The following TAFA1 variants were observed in gnomAD, a reference collection of about 807,000 sequenced individuals.
TAFA1 encodes TAFA chemokine like family member 1, also known as chemokine-like protein TAFA-1.
In TAFA1, 4 loss-of-function variants were observed where a neutral mutation model predicts 18.5. The ratio of observed to expected loss-of-function variants is 0.22; its 90% CI spans 0.11 to 0.49. The LOEUF (loss-of-function observed/expected upper bound fraction) is 0.49, where lower values mean the gene tolerates loss of function less well. Ranked by LOEUF, TAFA1 falls within the 20% of genes least tolerant of loss-of-function variation. TAFA1 has a pLI of 0.98. For synonymous variants in TAFA1, 56 were observed against 55.2 expected (o/e 1.01, Z -0.06); for missense variants, 147 against 169.0 (o/e 0.87, Z 0.72).
chr3:68,189,482 A>G (rs965589256), intron 2 of TAFA1, among the ~76,000 whole-genome samples: 5 of 151,738 alleles, frequency 3.3e-5, no homozygotes, highest in African/African-American at 1.2e-4. Context: ...GCACATATCA[A>G]ATATGCCTGC....
chr3:68,257,323 C>A (rs1050309309), intron 2 of TAFA1, among the ~76,000 whole-genome samples: 3 of 152,088 alleles, frequency 2.0e-5, no homozygotes, highest in African/African-American at 2.4e-5. Flanking sequence ...GCATACTGAC[C>A]TTTTCCTTTG....
At chr3:68,211,417 T>C (rs2066595128) in intron 2 of TAFA1, among the ~76,000 whole-genome samples, 1 of 152,102 alleles carries the variant, frequency 6.6e-6, no homozygotes, top group African/African-American at 2.4e-5. Flanking sequence ...TTCATTTTCA[T>C]AATGATTCCG....
At chr3:68,369,959 AT>A (rs2069647042) in intron 2 of TAFA1, among the ~76,000 whole-genome samples, 1 of 151,992 alleles carries the variant, frequency 6.6e-6, no homozygotes, top group Admixed American at 6.6e-5. Context: ...CGAAATGTAT[AT>A]TTGTTTTAAA....
At chr3:68,118,100 T>A (rs190873468) in intron 2 of TAFA1, among the ~76,000 whole-genome samples, 1 of 152,304 alleles carries the variant, frequency 6.6e-6, no homozygotes, top group East Asian at 1.9e-4. Context: ...ACTTTATATT[T>A]CTATTATTAT....
At chr3:68,031,843 T>C (rs1341381241) in intron 2 of TAFA1, among the ~76,000 whole-genome samples, 1 of 152,190 alleles carries the variant, frequency 6.6e-6, no homozygotes, top group Non-Finnish European at 1.5e-5. Flanking sequence ...CATTTTCTGT[T>C]CAAATCTAGA....
At chr3:68,382,024 C>G (rs537090792) in intron 2 of TAFA1, among the ~76,000 whole-genome samples, 1 of 152,284 alleles carries the variant, frequency 6.6e-6, no homozygotes, top group East Asian at 1.9e-4. Context: ...CTTTCTATCT[C>G]TATTGAGATA....
intron 2 of TAFA1, among the ~76,000 whole-genome samples, chr3:68,370,952 A>C (rs1195025557): frequency 2.0e-5 from 3 of 151,880 alleles, no homozygotes; most frequent in Non-Finnish European, 4.4e-5. Flanking sequence ...TCTACATTTA[A>C]CTGTTTTTGA....
chr3:68,160,439 T>C (rs958580861), intron 2 of TAFA1, among the ~76,000 whole-genome samples: 10 of 152,234 alleles, frequency 6.6e-5, no homozygotes, highest in Admixed American at 2.6e-4. Context: ...CCAACTCTTA[T>C]AGTAGAGCAT....
At chr3:68,083,294 T>C (rs897843359) in intron 2 of TAFA1, among the ~76,000 whole-genome samples, 5 of 152,242 alleles carry the variant, frequency 3.3e-5, no homozygotes, top group African/African-American at 1.2e-4. Flanking sequence ...TTCTAAGTAG[T>C]TAAATATTTT....
intron 2 of TAFA1, among the ~76,000 whole-genome samples, chr3:68,148,552 G>T (rs545038292): frequency 1.3e-5 from 2 of 152,312 alleles, no homozygotes; most frequent in African/African-American, 4.8e-5. Flanking sequence ...GAGAAAGTTC[G>T]TTCTGGGAAT....
chr3:68,335,037 T>C (rs921953945), intron 2 of TAFA1, among the ~76,000 whole-genome samples: 3 of 152,332 alleles, frequency 2.0e-5, no homozygotes, highest in Admixed American at 2.0e-4. Context: ...CTTAGTAACT[T>C]GTCAAGGTGA....
intron 3 of TAFA1, among the ~76,000 whole-genome samples, chr3:68,483,174 A>G (rs2072269655): frequency 6.6e-6 from 1 of 152,222 alleles, no homozygotes; most frequent in Non-Finnish European, 1.5e-5. Context: ...GTAACCCAGC[A>G]CACACTGGAG....
At chr3:68,337,345 A>G (rs1483103772) in intron 2 of TAFA1, among the ~76,000 whole-genome samples, 2 of 152,002 alleles carry the variant, frequency 1.3e-5, no homozygotes, top group South Asian at 2.1e-4. Context: ...ATCATATCTC[A>G]TGAGACCTCA....
chr3:68,137,782 T>A (rs776777867), intron 2 of TAFA1, among the ~76,000 whole-genome samples: 45 of 152,190 alleles, frequency 3.0e-4, no homozygotes, highest in Non-Finnish European at 1.0e-4. Flanking sequence ...CATCTTCACG[T>A]CTGGCTGGCA....
At chr3:68,188,505 A>ATTTT (rs34928021) in intron 2 of TAFA1, among the ~76,000 whole-genome samples, 1 of 142,766 alleles carries the variant, frequency 7.0e-6, no homozygotes, top group African/African-American at 2.5e-5. Flanking sequence ...GTGTATATAT[A>ATTTT]TTTATATATA....
At chr3:68,059,120 T>C (rs763472658) in intron 2 of TAFA1, among the ~76,000 whole-genome samples, 6 of 152,172 alleles carry the variant, frequency 3.9e-5, no homozygotes, top group African/African-American at 1.2e-4. Context: ...TGGAGAAAAT[T>C]TGTGTGAACA....
chr3:68,334,237 A>T (rs534010071), intron 2 of TAFA1, among the ~76,000 whole-genome samples: 1 of 152,230 alleles, frequency 6.6e-6, no homozygotes, highest in African/African-American at 2.4e-5. Flanking sequence ...ACATAGAAAA[A>T]ATGGTATGGG....
intron 2 of TAFA1, among the ~76,000 whole-genome samples, chr3:68,164,660 T>TGG (rs1553647264): frequency 6.6e-6 from 1 of 151,144 alleles, no homozygotes; most frequent in Non-Finnish European, 1.5e-5. Context: ...TGTGTGTGTG[T>TGG]GGGAGGTAGT....
intron 2 of TAFA1, among the ~76,000 whole-genome samples, chr3:68,266,751 A>G (rs965225930): frequency 6.6e-6 from 1 of 152,154 alleles, no homozygotes. Flanking sequence ...AGGGAAGGCC[A>G]AAGAATCTGG....
Sources: allele counts gnomAD v4.1 joint callset (sites outside exome capture counted in the v4.1 genomes callset), GRCh38; gene constraint gnomAD v4.1.1; transcripts MANE v1.5; gene names NCBI Gene and HGNC (gene_info 2026-07-23, HGNC 2026-07-21).